MTMR2: variants seen among roughly 807,000 people sequenced by gnomAD.
The protein encoded by MTMR2 is phosphatidylinositol-3,5-bisphosphate 3-phosphatase MTMR2.
A neutral mutation model predicts 86.9 loss-of-function variants in MTMR2; 55 were observed. The ratio of observed to expected loss-of-function variants is 0.63; its 90% CI spans 0.51 to 0.79. MTMR2 has a LOEUF of 0.79. MTMR2 is among the 30% of genes least tolerant of loss of function. MTMR2 has a pLI of 0.00. For synonymous variants in MTMR2, 241 were observed against 266.8 expected (o/e 0.90, Z 0.94); for missense variants, 659 against 772.3 (o/e 0.85, Z 1.74).
intron 1 of MTMR2, among the ~76,000 whole-genome samples, chr11:95,890,083 C>T (rs1441793734): frequency 6.6e-6 from 1 of 151,992 alleles, no homozygotes; most frequent in Non-Finnish European, 1.5e-5. Context: ...AATCACCTCC[C>T]CAAAAAAGAA....
chr11:95,835,145 A>G lies in MTMR2; in HGVS notation c.*145T>C, dbSNP rs564689142. 4.0e-5 allele frequency: 35 copies of G among 870,078 alleles called. No homozygotes were observed. In the African/African-American group the frequency reaches 4.8e-4, roughly 12 times the overall value. 53.9% of individuals were successfully genotyped at this position (870,078 alleles called of 1,614,324 possible). On this transcript the variant is annotated 3_prime_UTR_variant, in exon 15 of 15. Coordinates refer to ENST00000346299, the MANE Select transcript of MTMR2 (RefSeq NM_016156.6). ...AAGCCACCTGCACTGCTACAGTTCT[A>G]AACTCATCCTAGAGAGATTTAAAAT...
intron 3 of MTMR2, among the ~76,000 whole-genome samples, chr11:95,863,855 T>C (rs1864510363): frequency 6.6e-6 from 1 of 152,164 alleles, no homozygotes; most frequent in Non-Finnish European, 1.5e-5. Context: ...AGTCTTTGCT[T>C]TGTTCTGTAC....
At chr11:95,852,252 T>C (rs139806637) in intron 7 of MTMR2, among the ~76,000 whole-genome samples, 125 of 152,336 alleles carry the variant, frequency 8.2e-4, no homozygotes, top group African/African-American at 2.9e-3. Flanking sequence ...AGTTTGTAAT[T>C]TGGCCAAAGC....
chr11:95,858,901 T>C (rs1458350073), intron 5 of MTMR2, among the ~76,000 whole-genome samples: 3 of 152,084 alleles, frequency 2.0e-5, no homozygotes, highest in African/African-American at 7.2e-5. Context: ...GTGAAAGAGG[T>C]AGTATTTGAT....
At chr11:95,846,715 G>C (rs1863808879) in intron 10 of MTMR2, among the ~76,000 whole-genome samples, 1 of 152,102 alleles carries the variant, frequency 6.6e-6, no homozygotes, top group South Asian at 2.1e-4. Flanking sequence ...GGAGTTTTCA[G>C]AATCAAACAC....
At chr11:95,912,869 CA>C in intron 1 of MTMR2, 1 of 151,996 alleles carries the variant, frequency 6.6e-6, no homozygotes, top group Non-Finnish European at 1.5e-5. Flanking sequence ...AAAGTTTTAA[CA>C]GTAAACTGTT....
chr11:95,872,106 T>C (rs1864913489), intron 2 of MTMR2, among the ~76,000 whole-genome samples: 1 of 152,194 alleles, frequency 6.6e-6, no homozygotes, highest in East Asian at 1.9e-4. Flanking sequence ...CAAGGCGGGC[T>C]CTTTTTTGGT....
intron 1 of MTMR2, among the ~76,000 whole-genome samples, chr11:95,915,205 A>G (rs1445416313): frequency 6.6e-6 from 1 of 152,130 alleles, no homozygotes; most frequent in Non-Finnish European, 1.5e-5. Context: ...TGGCTCGCTC[A>G]AGAATATTAA....
chr11:95,884,124 A>T (rs1463460839), intron 2 of MTMR2, among the ~76,000 whole-genome samples: 2 of 152,230 alleles, frequency 1.3e-5, no homozygotes, highest in African/African-American at 4.8e-5. Context: ...GCCAAACCAC[A>T]GTCAGTCAAA....
At position 95,843,507 on chromosome 11, in the gene MTMR2, C is replaced by T. The variant is rs12796946; in HGVS notation, c.1386+1446G>A. 2.8e-3 allele frequency among the ~76,000 whole-genome samples: 422 copies of T among 152,146 alleles called. 2 individuals are homozygous for T. Among genetic ancestry groups the T allele is most frequent in the Non-Finnish European group, 4.5e-3 (307 of 67,986 alleles). On this transcript the variant is annotated intron_variant, in intron 11 of 14. Transcript: ENST00000346299. ...GAAACTACCATTTATCAAGTTCTGG[C>T]GTAGTATCAAAGAAGAATATCTACA...
At chr11:95,862,806 T>A (rs914552882) in intron 3 of MTMR2, among the ~76,000 whole-genome samples, 2 of 152,200 alleles carry the variant, frequency 1.3e-5, no homozygotes, top group African/African-American at 4.8e-5. Context: ...CTTCTAAAAA[T>A]GCAATGTCCA....
At chr11:95,888,561 G>C (rs1232203238) in intron 1 of MTMR2, among the ~76,000 whole-genome samples, 1 of 152,062 alleles carries the variant, frequency 6.6e-6, no homozygotes, top group Non-Finnish European at 1.5e-5. Context: ...AACATTCACT[G>C]AGTGGTCCAA....
chr11:95,858,524 A>C lies in MTMR2; in HGVS notation c.570+7T>G. ...CACAAATTTTCCAAAGACAGGAAAC[A>C]TTTTACCAGGTTATTAGAGACAGGA... On this transcript the variant is annotated splice_region_variant and intron_variant, in intron 6 of 14. Coordinates refer to ENST00000346299, the MANE Select transcript of MTMR2 (RefSeq NM_016156.6). The C allele has an allele frequency of 6.3e-7, 1 of 1,590,564 alleles. No individual in the cohort carries two copies. The highest frequency in any genetic ancestry group is 8.6e-7 in the Non-Finnish European group (1 of 1,159,000).
intron 9 of MTMR2, 45 bp downstream of exon 9, chr11:95,849,629 C>G: frequency 6.4e-7 from 1 of 1,565,448 alleles, no homozygotes; most frequent in Non-Finnish European, 8.8e-7. Flanking sequence ...CCAAACTCAG[C>G]TGATTCATGA....
intron 7 of MTMR2, among the ~76,000 whole-genome samples, 175 bp from the exon 8 acceptor site, chr11:95,850,924 A>G (rs543796817): frequency 6.6e-6 from 1 of 152,306 alleles, no homozygotes; most frequent in East Asian, 1.9e-4. Context: ...ATTCTAATGT[A>G]GGGATACGTA....
chr11:95,839,684 G>A (rs554494567), intron 12 of MTMR2, among the ~76,000 whole-genome samples: 6 of 152,272 alleles, frequency 3.9e-5, no homozygotes, highest in African/African-American at 1.4e-4. Flanking sequence ...GGAAATAGGA[G>A]GAGAGGTATA....
chr11:95,865,372 A>G (rs1320550396), intron 3 of MTMR2: 4 of 520,754 alleles, frequency 7.7e-6, no homozygotes, highest in East Asian at 6.0e-5. Flanking sequence ...AGAAGAGGCA[A>G]AGTATAATTC....
Position 95,850,559 on chromosome 11 carries a change from A to G in MTMR2, c.804+41T>C, listed in dbSNP as rs753607646. ...CATTAATCTCAGCATTATGTTGAGT[A>G]AAAAAGCACTTGCAAAGGCTCATCC... On this transcript the variant is annotated intron_variant, in intron 8 of 14. Coordinates refer to ENST00000346299, the MANE Select transcript of MTMR2 (RefSeq NM_016156.6). 58 of 1,589,844 alleles carry G rather than the reference A, an allele frequency of 3.6e-5. 1 individual carries two copies. In the Middle Eastern group the frequency reaches 5.6e-3, roughly 155 times the overall value.
At chr11:95,884,570 A>G (rs1403190977) in intron 2 of MTMR2, among the ~76,000 whole-genome samples, 2 of 152,194 alleles carry the variant, frequency 1.3e-5, no homozygotes, top group South Asian at 2.1e-4. Flanking sequence ...TCAAATGGGA[A>G]TAATAACAAC....
Sources: gnomAD v4.1 joint callset for allele counts (sites outside exome capture counted in the v4.1 genomes callset) on GRCh38, gnomAD v4.1.1 for gene constraint, MANE v1.5 for transcripts, NCBI Gene and HGNC (gene_info 2026-07-23, HGNC 2026-07-21) for gene names.